The following CCSER1 variants were observed in gnomAD, a reference collection of about 807,000 sequenced individuals.
CCSER1 encodes coiled-coil serine rich protein 1.
A neutral mutation model predicts 82.0 loss-of-function variants in CCSER1; 41 were observed. The observed-to-expected ratio is 0.50, with a 90% CI of 0.39 to 0.65. CCSER1 has a LOEUF of 0.65. CCSER1 is among the 30% of genes least tolerant of loss of function. CCSER1 has a pLI of 0.00. For missense variants in CCSER1, 1,119 were observed against 1,064.2 expected, an observed-to-expected ratio of 1.05 and a Z score of -0.72; for synonymous variants, 414 against 383.9, an observed-to-expected ratio of 1.08 and a Z score of -0.92.
chr4:90,799,316 CTG>C (rs1362064013), intron 7 of CCSER1, among the ~76,000 whole-genome samples: 1 of 152,042 alleles, frequency 6.6e-6, no homozygotes, highest in African/African-American at 2.4e-5. Context: ...TGCCAAGGCT[CTG>C]TCTGCTCTGC....
chr4:90,780,512 T>C, intron 7 of CCSER1: 1 of 1,609,176 alleles, frequency 6.2e-7, no homozygotes, highest in South Asian at 1.1e-5. Flanking sequence ...GAGGCCTAGA[T>C]GATCCACCAT....
At chr4:90,745,632 G>T (rs1429050372) in intron 7 of CCSER1, among the ~76,000 whole-genome samples, 2 of 147,688 alleles carry the variant, frequency 1.4e-5, no homozygotes, top group African/African-American at 4.9e-5. Context: ...TTAATACAGA[G>T]AAAGGAATTT....
At chr4:91,581,716 A>G (rs2110314341) in intron 10 of CCSER1, among the ~76,000 whole-genome samples, 1 of 151,718 alleles carries the variant, frequency 6.6e-6, no homozygotes, top group Admixed American at 6.6e-5. Flanking sequence ...TATTAGCAGG[A>G]CTTATAGTTT....
intron 1 of CCSER1, among the ~76,000 whole-genome samples, chr4:90,139,126 T>G (rs534756332): frequency 6.6e-6 from 1 of 152,284 alleles, no homozygotes; most frequent in African/African-American, 2.4e-5. Flanking sequence ...TTTCCAGATC[T>G]CCAACCTGCC....
At chr4:90,596,123 GT>G in intron 5 of CCSER1, among the ~76,000 whole-genome samples, 1 of 151,778 alleles carries the variant, frequency 6.6e-6, no homozygotes, top group East Asian at 1.9e-4. Flanking sequence ...TATCGCTTAG[GT>G]AGAACTACTT....
intron 10 of CCSER1, among the ~76,000 whole-genome samples, chr4:91,528,001 A>G (rs904628868): frequency 2.0e-5 from 3 of 151,980 alleles, no homozygotes; most frequent in African/African-American, 7.2e-5. Flanking sequence ...TGCAACCTCC[A>G]CTTCCCAGGA....
intron 10 of CCSER1, among the ~76,000 whole-genome samples, chr4:91,432,132 G>C (rs1209964563): frequency 6.6e-6 from 1 of 152,080 alleles, no homozygotes; most frequent in Non-Finnish European, 1.5e-5. Context: ...CCCTCTTGCT[G>C]CCTTGTAAAG....
chr4:91,551,695 ACACACAAT>A (rs2110225758), intron 10 of CCSER1, among the ~76,000 whole-genome samples: 1 of 147,944 alleles, frequency 6.8e-6, no homozygotes, highest in East Asian at 2.0e-4. Context: ...ACACACACAC[ACACACAAT>A]CAGTCAAGGC....
At chr4:91,366,284 G>GT (rs748978763) in intron 10 of CCSER1, among the ~76,000 whole-genome samples, 1 of 152,152 alleles carries the variant, frequency 6.6e-6, no homozygotes, top group Non-Finnish European at 1.5e-5. Context: ...GCCTCCCAAA[G>GT]TGCTGGGATT....
intron 9 of CCSER1, among the ~76,000 whole-genome samples, chr4:91,021,538 A>C (rs1370013677): frequency 6.6e-6 from 1 of 152,214 alleles, no homozygotes; most frequent in Non-Finnish European, 1.5e-5. Context: ...AAACAAGATG[A>C]GTCAAAGTAT....
chr4:91,207,336 C>G (rs1736430200), intron 10 of CCSER1, among the ~76,000 whole-genome samples: 1 of 142,526 alleles, frequency 7.0e-6, no homozygotes, highest in South Asian at 2.3e-4. Flanking sequence ...TAGTACCCAA[C>G]AGTTGCTTTT....
chr4:91,172,626 AC>A (rs1251536480), intron 10 of CCSER1, among the ~76,000 whole-genome samples: 1 of 152,108 alleles, frequency 6.6e-6, no homozygotes, highest in Non-Finnish European at 1.5e-5. Context: ...TCATCACACC[AC>A]CCTAGTCAGA....
At position 91,141,561 on chromosome 4, in the gene CCSER1, C is replaced by T. The variant is rs143338106; in HGVS notation, c.2217+55567C>T. Among the ~76,000 whole-genome samples, 1,291 of 152,286 alleles carry T rather than the reference C, an allele frequency of 8.5e-3. 11 individuals carry two copies. Among genetic ancestry groups the T allele is most frequent in the African/African-American group, 0.03 (1,230 of 41,566 alleles). ...CACCTACGTTGATTCCATGTCTTTGCTATTGTGAATAGTGCTGCAATGGAC... is the reference window on the plus strand; with the variant it reads ...CACCTACGTTGATTCCATGTCTTTGTTATTGTGAATAGTGCTGCAATGGAC... On this transcript the variant is annotated intron_variant, in intron 10 of 10. Coordinates refer to ENST00000509176, the MANE Select transcript of CCSER1 (RefSeq NM_001145065.2).
chr4:90,276,251 T>TTCCC (rs1727657735), intron 1 of CCSER1, among the ~76,000 whole-genome samples: 5 of 76,852 alleles, frequency 6.5e-5, no homozygotes, highest in African/African-American at 2.6e-4. Context: ...TCTTTCTTTC[T>TTCCC]TTCCTTCCTT....
At chr4:91,552,016 A>G (rs1467234242) in intron 10 of CCSER1, among the ~76,000 whole-genome samples, 1 of 151,764 alleles carries the variant, frequency 6.6e-6, no homozygotes, top group Non-Finnish European at 1.5e-5. Flanking sequence ...TGATATTGAA[A>G]TCAAAATTAG....
intron 5 of CCSER1, among the ~76,000 whole-genome samples, chr4:90,609,081 TAAC>T (rs1785120404): frequency 6.6e-6 from 1 of 152,150 alleles, no homozygotes; most frequent in Non-Finnish European, 1.5e-5. Context: ...TTATCTATAA[TAAC>T]TGTATTTTAG....
chr4:91,279,440 T>G (rs902615998), intron 10 of CCSER1, among the ~76,000 whole-genome samples: 5 of 149,828 alleles, frequency 3.3e-5, no homozygotes, highest in Admixed American at 6.6e-5. Flanking sequence ...TTATTTTTAT[T>G]TTTTTTCCTT....
chr4:91,260,517 G>C (rs1741027287), intron 10 of CCSER1, among the ~76,000 whole-genome samples: 1 of 152,124 alleles, frequency 6.6e-6, no homozygotes, highest in Non-Finnish European at 1.5e-5. Flanking sequence ...AGATTAGCTG[G>C]CAGACACAGA....
chr4:90,495,665 A>T (rs539681485), intron 5 of CCSER1, among the ~76,000 whole-genome samples: 6 of 152,358 alleles, frequency 3.9e-5, no homozygotes, highest in African/African-American at 1.2e-4. Context: ...ACAATGATTT[A>T]TAGATTATAT....
Sources: gnomAD v4.1 joint callset for allele counts (sites outside exome capture counted in the v4.1 genomes callset) on GRCh38, gnomAD v4.1.1 for gene constraint, MANE v1.5 for transcripts, NCBI Gene and HGNC (gene_info 2026-07-23, HGNC 2026-07-21) for gene names.